The following ARHGAP28 variants were observed in gnomAD, a reference collection of about 807,000 sequenced individuals.
ARHGAP28 encodes the protein Rho GTPase activating protein 28, also known as rho GTPase-activating protein 28.
A neutral mutation model predicts 90.7 loss-of-function variants in ARHGAP28; 56 were observed. That is an observed-to-expected ratio of 0.62 (90% CI 0.50 to 0.77). The LOEUF is 0.77. ARHGAP28 is among the 30% of genes least tolerant of loss of function. ARHGAP28 has a pLI of 0.00. For missense variants in ARHGAP28, 869 were observed against 900.9 expected, an observed-to-expected ratio of 0.96 and a Z score of 0.45; for synonymous variants, 308 against 323.3, an observed-to-expected ratio of 0.95 and a Z score of 0.51.
At chr18:6,896,465 G>A (rs770894155) in intron 15 of ARHGAP28, 37 bp from the exon 16 acceptor site, 1 of 1,609,436 alleles carries the variant, frequency 6.2e-7, no homozygotes, top group Non-Finnish European at 8.5e-7. Context: ...ATTCATCCTA[G>A]TTTGACAGAC....
At position 6,729,759 on chromosome 18, in the gene ARHGAP28, C is replaced by A; in HGVS notation, c.-63C>A. ...CCCAGCTGCTGACAGCCTCCCGGCGCGCCGGTCCATGCTGGTCCCGGTCTT... is the reference window on the plus strand; with the variant it reads ...CCCAGCTGCTGACAGCCTCCCGGCGAGCCGGTCCATGCTGGTCCCGGTCTT... On this transcript the variant is annotated 5_prime_UTR_variant, in exon 1 of 18. Transcript: ENST00000383472. 7.7e-7 allele frequency: 1 copy of A among 1,293,238 alleles called. No individual in the cohort carries two copies. The highest frequency in any genetic ancestry group is 1.5e-5 in the African/African-American group (1 of 64,546). 80.1% of individuals were successfully genotyped at this position (1,293,238 alleles called of 1,614,324 possible).
chr18:6,850,942 A>T, intron 3 of ARHGAP28, 92 bp from the exon 4 acceptor site: 2 of 1,561,474 alleles, frequency 1.3e-6, no homozygotes, highest in Non-Finnish European at 1.7e-6. Context: ...CTGTACATAT[A>T]TATAAAAACT....
At chr18:6,838,895 A>G (rs2056774847) in intron 3 of ARHGAP28, among the ~76,000 whole-genome samples, 2 of 152,210 alleles carry the variant, frequency 1.3e-5, no homozygotes, top group Admixed American at 6.5e-5. Flanking sequence ...TGTCCTGACC[A>G]AGATGCCTAC....
chr18:6,827,540 G>A (rs2056678381), intron 2 of ARHGAP28, among the ~76,000 whole-genome samples: 1 of 145,410 alleles, frequency 6.9e-6, no homozygotes, highest in Admixed American at 6.7e-5. Flanking sequence ...CCGGGCGGGG[G>A]GCTGACCCCC....
chr18:6,898,979 A>G (rs865977229), intron 16 of ARHGAP28, among the ~76,000 whole-genome samples: 1 of 152,156 alleles, frequency 6.6e-6, no homozygotes, highest in Admixed American at 6.5e-5. Context: ...AGAAATTACC[A>G]CTACATAATT....
At chr18:6,759,490 A>G (rs1033042964) in intron 1 of ARHGAP28, among the ~76,000 whole-genome samples, 2 of 152,208 alleles carry the variant, frequency 1.3e-5, no homozygotes, top group Non-Finnish European at 2.9e-5. Flanking sequence ...ATTCAGAGTT[A>G]TGCTGCATAA....
Position 6,850,932 on chromosome 18 carries a change from C to T in ARHGAP28, c.544-102C>T, listed in dbSNP as rs193185955. ...ATTAATTGTATATATCTCCAGGCAG[C>T]TGTACATATATATAAAAACTCTAGT... On this transcript the variant is annotated intron_variant, in intron 3 of 17. Coordinates refer to ENST00000383472, the MANE Select transcript of ARHGAP28 (RefSeq NM_001366230.1). The T allele has an allele frequency of 3.4e-5, 52 of 1,547,222 alleles. 1 individual carries two copies. In the East Asian group the frequency reaches 1.2e-3, roughly 34 times the overall value.
chr18:6,749,299 C>A (rs924915188), intron 1 of ARHGAP28, among the ~76,000 whole-genome samples: 4 of 152,042 alleles, frequency 2.6e-5, no homozygotes, highest in Non-Finnish European at 4.4e-5. Flanking sequence ...ATGTAAAAGC[C>A]AGATATTACT....
chr18:6,845,992 G>C (rs976031603), intron 3 of ARHGAP28, among the ~76,000 whole-genome samples: 9 of 152,112 alleles, frequency 5.9e-5, no homozygotes. Context: ...TCAGTAGAAG[G>C]CTTTATTTCT....
intron 4 of ARHGAP28, among the ~76,000 whole-genome samples, chr18:6,858,743 C>G (rs1740587553): frequency 6.6e-6 from 1 of 152,032 alleles, no homozygotes; most frequent in Admixed American, 6.6e-5. Flanking sequence ...GTTGGCCAGG[C>G]TGGTCTGGAA....
intron 1 of ARHGAP28, among the ~76,000 whole-genome samples, chr18:6,795,680 A>T (rs1428042338): frequency 6.6e-6 from 1 of 152,188 alleles, no homozygotes; most frequent in Non-Finnish European, 1.5e-5. Flanking sequence ...CGCAGCAGAA[A>T]GCCTGCAGCA....
At chr18:6,869,117 G>A (rs1434580430) in intron 6 of ARHGAP28, among the ~76,000 whole-genome samples, 4 of 152,102 alleles carry the variant, frequency 2.6e-5, no homozygotes, top group South Asian at 4.1e-4. Context: ...TGGAGCATTG[G>A]CCTGTTTAAT....
Position 6,757,854 on chromosome 18 carries a change from C to T in ARHGAP28, c.122+27911C>T, listed in dbSNP as rs535174552. 3.3e-5 allele frequency among the ~76,000 whole-genome samples: 5 copies of T among 152,200 alleles called. No individual in the cohort carries two copies. In the South Asian group the frequency reaches 8.3e-4, roughly 25 times the overall value. ...TGAACACAGAGTTAGTTGTTCAAGG[C>T]ACACAAGCAGGAGTATGGATCAAGC... is the stretch of plus-strand genomic sequence containing the variant. On this transcript the variant is annotated intron_variant, in intron 1 of 17. Transcript: ENST00000383472.
intron 1 of ARHGAP28, among the ~76,000 whole-genome samples, chr18:6,761,649 G>A (rs1332254492): frequency 1.3e-5 from 2 of 152,166 alleles, no homozygotes; most frequent in African/African-American, 4.8e-5. Context: ...TGGTCAGTGA[G>A]GGAATTGGGA....
intron 5 of ARHGAP28, among the ~76,000 whole-genome samples, chr18:6,863,440 A>C (rs572917566): frequency 3.2e-4 from 49 of 151,488 alleles, no homozygotes; most frequent in Admixed American, 4.6e-4. Context: ...GAAATAAAAT[A>C]AAATTGGATG....
intron 7 of ARHGAP28, among the ~76,000 whole-genome samples, chr18:6,872,265 T>C (rs1004443002): frequency 6.6e-6 from 1 of 152,210 alleles, no homozygotes; most frequent in Non-Finnish European, 1.5e-5. Context: ...CAATAAGCGA[T>C]TGCAGTTTTT....
intron 2 of ARHGAP28, among the ~76,000 whole-genome samples, chr18:6,827,728 G>A (rs1212344962): frequency 1.3e-5 from 2 of 151,452 alleles, no homozygotes; most frequent in Non-Finnish European, 2.9e-5. Context: ...CCGGGTGGAG[G>A]GGCTCCTCAT....
chr18:6,840,495 G>A (rs1207558021), intron 3 of ARHGAP28, among the ~76,000 whole-genome samples: 1 of 152,154 alleles, frequency 6.6e-6, no homozygotes, highest in East Asian at 1.9e-4. Context: ...GACCACGAAG[G>A]GAAAGATATA....
intron 1 of ARHGAP28, among the ~76,000 whole-genome samples, chr18:6,803,499 T>TA (rs1600199236): frequency 6.6e-6 from 1 of 152,150 alleles, no homozygotes; most frequent in East Asian, 1.9e-4. Flanking sequence ...TTGTTAATAA[T>TA]ACTTGTGTCT....
Sources: gnomAD v4.1 joint callset for allele counts (sites outside exome capture counted in the v4.1 genomes callset) on GRCh38, gnomAD v4.1.1 for gene constraint, MANE v1.5 for transcripts, NCBI Gene and HGNC (gene_info 2026-07-23, HGNC 2026-07-21) for gene names.